The following PPFIBP2 variants were observed in gnomAD, a reference collection of about 807,000 sequenced individuals.
PPFIBP2 encodes the protein PPFIB scaffold protein 2.
Under a neutral mutation model 118.3 loss-of-function variants are expected in PPFIBP2, and 118 were observed. The ratio of observed to expected loss-of-function variants is 1.00; its 90% CI spans 0.86 to 1.16. PPFIBP2 has a LOEUF of 1.16. Among genes scored for constraint, PPFIBP2 ranks in the 50% most tolerant of loss-of-function variants. PPFIBP2 has a pLI of 0.00. For synonymous variants in PPFIBP2, 414 were observed against 397.4 expected (o/e 1.04, Z -0.50); for missense variants, 1,195 against 1,073.1 (o/e 1.11, Z -1.59).
intron 3 of PPFIBP2, among the ~76,000 whole-genome samples, chr11:7,575,050 CA>C (rs1321396696): frequency 6.6e-6 from 1 of 152,112 alleles, no homozygotes; most frequent in African/African-American, 2.4e-5. Context: ...GTTGAGCTAA[CA>C]GAGGAAATGG....
chr11:7,657,590 A>C (rs1854782419), downstream of PPFIBP2, among the ~76,000 whole-genome samples: 1 of 151,866 alleles, frequency 6.6e-6, no homozygotes, highest in Non-Finnish European at 1.5e-5. Flanking sequence ...TTCCACCCCA[A>C]CTCACCAACT....
At chr11:7,619,401 G>A (rs2135592879) in intron 6 of PPFIBP2, among the ~76,000 whole-genome samples, 1 of 152,296 alleles carries the variant, frequency 6.6e-6, no homozygotes, top group Admixed American at 6.5e-5. Context: ...TTATCCATGT[G>A]GCTAGAGCAT....
At chr11:7,532,873 G>A (rs904425203) in intron 1 of PPFIBP2, among the ~76,000 whole-genome samples, 4 of 152,328 alleles carry the variant, frequency 2.6e-5, no homozygotes, top group Middle Eastern at 3.4e-3. Context: ...TCAAATTACA[G>A]AATACATTTT....
Position 7,625,804 on chromosome 11 carries a change from G to A in PPFIBP2, c.739G>A (p.Val247Met), listed in dbSNP as rs1279598281. The part of the protein sequence containing the change: ...KAEVAQLQEQ[V>M]ALKDAEIERL... Reference sequence around the variant, plus strand: ...TGAAGTCGCCCAGCTGCAAGAACAGGTGGCCCTGAAAGATGCAGAAATTGA... The same window carrying A: ...TGAAGTCGCCCAGCTGCAAGAACAGATGGCCCTGAAAGATGCAGAAATTGA... The change falls in exon 8 of 24, where the codon GTG becomes ATG. Residue 247 changes from valine (V) to methionine (M), a missense_variant. Val to Met is a conservative substitution (Grantham distance 21). Coordinates refer to ENST00000299492, the MANE Select transcript of PPFIBP2 (RefSeq NM_003621.5). The A allele has an allele frequency of 4.3e-6, 7 of 1,614,102 alleles. No homozygotes were observed. The highest frequency in any genetic ancestry group is 5.1e-6 in the Non-Finnish European group (6 of 1,180,034).
chr11:7,606,040 G>A, intron 5 of PPFIBP2: 3 of 1,530,148 alleles, frequency 2.0e-6, no homozygotes, highest in Non-Finnish European at 2.6e-6. Flanking sequence ...TGTTGATCAA[G>A]TCAAAAGCCT....
chr11:7,648,692 G>T (rs1179275498), intron 18 of PPFIBP2, 108 bp from the exon 19 acceptor site: 2 of 1,420,742 alleles, frequency 1.4e-6, no homozygotes, highest in South Asian at 1.2e-5. Flanking sequence ...AGGGCACGGT[G>T]TGGAGATACA....
intron 5 of PPFIBP2, among the ~76,000 whole-genome samples, chr11:7,599,529 T>C (rs78013150): frequency 0.011 from 1,629 of 152,316 alleles, 29 homozygotes; most frequent in African/African-American, 0.037. Flanking sequence ...AGGAGTCTGA[T>C]TGTGATGCCC....
At chr11:7,628,227 G>A in intron 8 of PPFIBP2, 58 bp from the exon 9 acceptor site, 1 of 1,442,322 alleles carries the variant, frequency 6.9e-7, no homozygotes, top group Non-Finnish European at 9.6e-7. Context: ...ATCATAGCAA[G>A]TGCGGATAGC....
chr11:7,521,509 G>C (rs1849759304), intron 1 of PPFIBP2, among the ~76,000 whole-genome samples: 1 of 152,306 alleles, frequency 6.6e-6, no homozygotes, highest in Non-Finnish European at 1.5e-5. Context: ...TATTCTGCAA[G>C]ATTATTAATC....
chr11:7,646,832 T>C (rs911295062), intron 17 of PPFIBP2, among the ~76,000 whole-genome samples: 1 of 152,208 alleles, frequency 6.6e-6, no homozygotes, highest in Admixed American at 6.5e-5. Flanking sequence ...TACATCAAGA[T>C]TTTATATAAT....
chr11:7,656,150 T>C (rs1035638606), downstream of PPFIBP2, among the ~76,000 whole-genome samples: 9 of 152,192 alleles, frequency 5.9e-5, no homozygotes, highest in South Asian at 4.1e-4. Flanking sequence ...GCCAGGCTTA[T>C]AGGCAGACTA....
At chr11:7,554,273 A>G (rs909506984) in intron 2 of PPFIBP2, among the ~76,000 whole-genome samples, 8 of 152,188 alleles carry the variant, frequency 5.3e-5, no homozygotes, top group African/African-American at 1.7e-4. Flanking sequence ...GGACCTCCCA[A>G]ATAGTAACCA....
intron 3 of PPFIBP2, among the ~76,000 whole-genome samples, chr11:7,583,981 C>G (rs891841951): frequency 5.3e-5 from 8 of 152,364 alleles, no homozygotes; most frequent in South Asian, 2.1e-4. Context: ...ACTGTAAAGC[C>G]TCTTCTCTCT....
chr11:7,656,131 A>G (rs1238554114), downstream of PPFIBP2, among the ~76,000 whole-genome samples: 1 of 152,176 alleles, frequency 6.6e-6, no homozygotes, highest in Non-Finnish European at 1.5e-5. Flanking sequence ...GGCTAATGAC[A>G]TCCTCCTTGC....
Position 7,558,438 on chromosome 11 carries a change from C to T in PPFIBP2, c.65-7115C>T, listed in dbSNP as rs114083633. Reference sequence around the variant, plus strand: ...AACCCCAGTCACTACCACAGACATCCCTATGTGCTTTCGAAAGCGATCATT... The same window carrying T: ...AACCCCAGTCACTACCACAGACATCTCTATGTGCTTTCGAAAGCGATCATT... On this transcript the variant is annotated intron_variant, in intron 2 of 23. Transcript: ENST00000299492. Among the ~76,000 whole-genome samples, 1,177 of 152,272 alleles carry T rather than the reference C, an allele frequency of 7.7e-3. 24 individuals carry two copies. The highest frequency in any genetic ancestry group is 0.027 in the African/African-American group (1,120 of 41,526).
downstream of PPFIBP2, among the ~76,000 whole-genome samples, chr11:7,655,807 C>A (rs1450154706): frequency 6.6e-6 from 1 of 151,854 alleles, no homozygotes; most frequent in Admixed American, 6.6e-5. Context: ...AACCAAGATG[C>A]TCAGCAACTC....
intron 3 of PPFIBP2, chr11:7,572,085 T>C (rs114785844): frequency 1.0e-3 from 156 of 152,138 alleles, no homozygotes; most frequent in African/African-American, 3.6e-3. Context: ...CTGTTTAGGG[T>C]GGGGGAGAAG....
intron 6 of PPFIBP2, among the ~76,000 whole-genome samples, chr11:7,617,707 T>G (rs956984140): frequency 6.6e-6 from 1 of 152,090 alleles, no homozygotes; most frequent in Non-Finnish European, 1.5e-5. Context: ...AAAAGAAGTA[T>G]TATGAAAAAG....
Position 7,649,231 on chromosome 11 carries a change from C to T in PPFIBP2, c.1994C>T (p.Thr665Ile). ...GACAGACGAATGCTGCAATACCTAA[C>T]TGTGGTGAGGACTTTTTCTTTAAAT... ...RVDRRMLQYL[T>I]VNDLLFLKVT... The change falls in exon 20 of 24, where the codon ACT becomes ATT. Residue 665 changes from threonine to isoleucine, a missense_variant. Thr to Ile is a moderately conservative substitution (Grantham distance 89, BLOSUM62 -1). Coordinates refer to ENST00000299492, the MANE Select transcript of PPFIBP2 (RefSeq NM_003621.5). 1.9e-6 allele frequency: 3 copies of T among 1,612,084 alleles called. No homozygotes were observed. Among genetic ancestry groups the T allele is most frequent in the Non-Finnish European group, 2.5e-6 (3 of 1,178,208 alleles).
Sources: gnomAD v4.1 joint callset for allele counts (sites outside exome capture counted in the v4.1 genomes callset) on GRCh38, gnomAD v4.1.1 for gene constraint, MANE v1.5 for transcripts, NCBI Gene and HGNC (gene_info 2026-07-23, HGNC 2026-07-21) for gene names.